The following TMEM117 variants were observed in gnomAD, a reference collection of about 807,000 sequenced individuals.
The protein encoded by TMEM117 is transmembrane protein 117.
A neutral mutation model predicts 52.4 loss-of-function variants in TMEM117; 27 were observed. That is an observed-to-expected ratio of 0.51 (90% confidence interval 0.38 to 0.71). The LOEUF (loss-of-function observed/expected upper bound fraction) is 0.71. TMEM117 is among the 30% of genes least tolerant of loss of function. The pLI is 0.00. For missense variants in TMEM117, 556 were observed against 630.5 expected (o/e 0.88, Z 1.26); for synonymous variants, 215 against 206.3 (o/e 1.04, Z -0.36).
At chr12:44,129,326 G>T (rs893095883) in intron 3 of TMEM117, among the ~76,000 whole-genome samples, 2 of 152,144 alleles carry the variant, frequency 1.3e-5, no homozygotes. Context: ...TCATTCTTCT[G>T]TAGCGCTGGG....
At chr12:44,232,639 T>A (rs532394493) in intron 5 of TMEM117, among the ~76,000 whole-genome samples, 1 of 151,610 alleles carries the variant, frequency 6.6e-6, no homozygotes, top group African/African-American at 2.4e-5. Context: ...CACAATAAAA[T>A]TGGAATTTCG....
chr12:44,316,881 A>G (rs1041866611), intron 6 of TMEM117, among the ~76,000 whole-genome samples: 3 of 151,856 alleles, frequency 2.0e-5, no homozygotes, highest in African/African-American at 7.3e-5. Context: ...AAAACCTTCA[A>G]TTGTATTTTG....
At chr12:44,317,846 A>G (rs1047147427) in intron 6 of TMEM117, among the ~76,000 whole-genome samples, 4 of 152,174 alleles carry the variant, frequency 2.6e-5, no homozygotes, top group African/African-American at 9.7e-5. Flanking sequence ...TTTAGTGCAC[A>G]GTGGTCTTAG....
intron 5 of TMEM117, among the ~76,000 whole-genome samples, chr12:44,264,336 C>T (rs1250796759): frequency 1.3e-5 from 2 of 152,186 alleles, no homozygotes; most frequent in Non-Finnish European, 2.9e-5. Flanking sequence ...ACTTTTCCCT[C>T]ACCAAGCACA....
chr12:44,196,019 G>A (rs1949415704), intron 4 of TMEM117, among the ~76,000 whole-genome samples: 1 of 152,042 alleles, frequency 6.6e-6, no homozygotes, highest in Non-Finnish European at 1.5e-5. Context: ...CCAGGAATTC[G>A]AGGCTGCAGT....
At chr12:44,001,461 A>G (rs549336672) in intron 3 of TMEM117, among the ~76,000 whole-genome samples, 2 of 152,160 alleles carry the variant, frequency 1.3e-5, no homozygotes, top group South Asian at 2.1e-4. Context: ...TGAAGTAGCA[A>G]CTGTGGTATA....
intron 3 of TMEM117, among the ~76,000 whole-genome samples, chr12:44,128,214 G>A (rs576725689): frequency 1.3e-5 from 2 of 152,280 alleles, no homozygotes; most frequent in African/African-American, 4.8e-5. Context: ...ATGCCCTGCT[G>A]CTTCCAGCCT....
intron 3 of TMEM117, among the ~76,000 whole-genome samples, chr12:44,120,757 C>T (rs1413891348): frequency 6.6e-6 from 1 of 152,146 alleles, no homozygotes; most frequent in Non-Finnish European, 1.5e-5. Context: ...TGCTTAGGAC[C>T]TCGTCCTGGT....
At chr12:44,305,577 G>C (rs1199655056) in intron 6 of TMEM117, among the ~76,000 whole-genome samples, 1 of 150,490 alleles carries the variant, frequency 6.6e-6, no homozygotes, top group East Asian at 1.9e-4. Flanking sequence ...CTAATCATCA[G>C]ATAAATGCAA....
At chr12:44,130,202 G>T (rs1342714236) in intron 3 of TMEM117, among the ~76,000 whole-genome samples, 2 of 152,142 alleles carry the variant, frequency 1.3e-5, no homozygotes, top group South Asian at 2.1e-4. Flanking sequence ...GCATAAATGT[G>T]AAGGCCGATT....
intron 5 of TMEM117, among the ~76,000 whole-genome samples, chr12:44,231,828 A>T (rs1380886298): frequency 6.6e-6 from 1 of 151,742 alleles, no homozygotes; most frequent in African/African-American, 2.4e-5. Context: ...TATTTTCTGC[A>T]TGCTAATTCC....
chr12:44,337,007 T>C (rs1476120535), intron 6 of TMEM117, among the ~76,000 whole-genome samples: 2 of 152,108 alleles, frequency 1.3e-5, no homozygotes, highest in African/African-American at 4.8e-5. Flanking sequence ...TGAAACTCAG[T>C]GTCTTCGGTA....
At chr12:43,806,292 G>A in the TMEM117 span, 2 of 1,442,030 alleles carry the variant, frequency 1.4e-6, no homozygotes, top group Non-Finnish European at 1.8e-6. Context: ...GCAGCCAGCG[G>A]CCCCGGCCGG....
intron 4 of TMEM117, among the ~76,000 whole-genome samples, chr12:44,169,132 G>GGCTATTGTA (rs1949009884): frequency 6.6e-6 from 1 of 151,996 alleles, no homozygotes; most frequent in South Asian, 2.1e-4. Flanking sequence ...TTTACCTTTT[G>GGCTATTGTA]GCTATTGTAA....
intron 3 of TMEM117, among the ~76,000 whole-genome samples, chr12:43,957,455 A>G (rs1468790946): frequency 6.6e-6 from 1 of 152,206 alleles, no homozygotes; most frequent in African/African-American, 2.4e-5. Flanking sequence ...ATAGGAATGA[A>G]GGCTTGAGAA....
At chr12:43,852,388 G>T (rs1263204507) in intron 2 of TMEM117, among the ~76,000 whole-genome samples, 3 of 151,980 alleles carry the variant, frequency 2.0e-5, no homozygotes, top group Non-Finnish European at 2.9e-5. Flanking sequence ...CCGAGATCAC[G>T]CCACTGCACT....
chr12:44,261,456 C>T (rs1950319973), intron 5 of TMEM117, among the ~76,000 whole-genome samples: 1 of 152,042 alleles, frequency 6.6e-6, no homozygotes, highest in Admixed American at 6.6e-5. Flanking sequence ...GATTTTTTTG[C>T]ACAATGGATA....
At chr12:44,271,134 TTTG>T (rs1169407623) in intron 5 of TMEM117, among the ~76,000 whole-genome samples, 3 of 152,114 alleles carry the variant, frequency 2.0e-5, no homozygotes, top group Non-Finnish European at 2.9e-5. Context: ...GTTTTGTTTT[TTTG>T]TTATGTCCTT....
At chr12:44,044,174 A>G (rs972204820) in intron 3 of TMEM117, among the ~76,000 whole-genome samples, 16 of 152,182 alleles carry the variant, frequency 1.1e-4, no homozygotes, top group Non-Finnish European at 2.1e-4. Context: ...TGAGAGCAGC[A>G]CCTGTGTCTT....
Sources: allele counts gnomAD v4.1 joint callset (sites outside exome capture counted in the v4.1 genomes callset), GRCh38; gene constraint gnomAD v4.1.1; transcripts MANE v1.5; gene names NCBI Gene and HGNC (gene_info 2026-07-23, HGNC 2026-07-21).